The following DCP1B variants were observed in gnomAD, a reference collection of about 807,000 sequenced individuals.
The protein encoded by DCP1B is decapping mRNA 1B, also known as mRNA-decapping enzyme 1B.
Under a neutral mutation model 60.5 loss-of-function variants are expected in DCP1B, and 47 were observed. The observed-to-expected ratio is 0.78, with a 90% CI of 0.61 to 0.99. The LOEUF is 0.99. DCP1B is among the 50% of genes least tolerant of loss of function. The pLI, the probability that DCP1B is intolerant of heterozygous loss-of-function variation, is 0.00. For synonymous variants in DCP1B, 267 were observed against 280.3 expected (o/e 0.95, Z 0.47); for missense variants, 725 against 756.8 (o/e 0.96, Z 0.49).
chr12:2,001,963 G>C (rs73597549), intron 1 of DCP1B, among the ~76,000 whole-genome samples: 4,945 of 152,268 alleles, frequency 0.032, 269 homozygotes, highest in African/African-American at 0.11. Flanking sequence ...GAAAATACCA[G>C]GGTTATGGTC....
At chr12:2,002,443 CCT>C (rs1377177687) in intron 1 of DCP1B, among the ~76,000 whole-genome samples, 2 of 152,128 alleles carry the variant, frequency 1.3e-5, no homozygotes, top group African/African-American at 2.4e-5. Context: ...TGAATTATGC[CCT>C]GTCTGAAGGC....
intron 3 of DCP1B, among the ~76,000 whole-genome samples, chr12:1,970,371 C>T (rs1381402641): frequency 6.6e-6 from 1 of 152,052 alleles, no homozygotes; most frequent in Non-Finnish European, 1.5e-5. Flanking sequence ...CTCTTTTGAT[C>T]CCAGTTTAGT....
rs1461263346 is a variant in DCP1B at position 1,952,631 on chromosome 12, A to G, written c.1309T>C (p.Ser437Pro). 6.2e-7 allele frequency: 1 copy of G among 1,614,012 alleles called. No homozygotes were observed. Among genetic ancestry groups the G allele is most frequent in the African/African-American group, 1.3e-5 (1 of 74,884 alleles). ...STLPRQTLPISGSQTGSSGVI... is the reference protein window; with the variant it reads ...STLPRQTLPIPGSQTGSSGVI... ...CCAGAGCTGCCAGTCTGACTACCAGAGATGGGGAGTGTTTGTCTTGGGAGT... is the reference window on the plus strand; with the variant it reads ...CCAGAGCTGCCAGTCTGACTACCAGGGATGGGGAGTGTTTGTCTTGGGAGT... The change falls in exon 7 of 9, where the codon TCT becomes CCT. Residue 437 changes from serine (S) to proline (P), a missense_variant. Ser to Pro is a moderately conservative substitution (Grantham distance 74, BLOSUM62 -1). Coordinates refer to ENST00000280665, the MANE Select transcript of DCP1B (RefSeq NM_152640.5).
intron 5 of DCP1B, among the ~76,000 whole-genome samples, chr12:1,963,433 A>T (rs1470877825): frequency 6.6e-6 from 1 of 152,220 alleles, no homozygotes; most frequent in Non-Finnish European, 1.5e-5. Context: ...ATAAAAGCTT[A>T]TTTCATTCCC....
Position 1,965,689 on chromosome 12 carries a change from T to A in DCP1B, c.391A>T (p.Thr131Ser). Residue 131 changes from threonine to serine, a missense_variant, in exon 5 of 9, where the codon ACT becomes TCT. Coordinates refer to ENST00000280665, the MANE Select transcript of DCP1B (RefSeq NM_152640.5). Reference sequence around the variant, plus strand: ...TGGGCTTTCAACTGTTCATACTGAGTTAGGCTAGAAAAACAGAGGGGAAAA... The same window carrying A: ...TGGGCTTTCAACTGTTCATACTGAGATAGGCTAGAAAAACAGAGGGGAAAA... ...QRIAELMKNLTQYEQLKAHQG... is the reference protein window; with the variant it reads ...QRIAELMKNLSQYEQLKAHQG... The A allele has an allele frequency of 6.2e-7, 1 of 1,604,010 alleles. No homozygotes were observed. The highest frequency in any genetic ancestry group is 2.3e-5 in the East Asian group (1 of 44,366).
chr12:2,000,151 T>C (rs1012394346), intron 1 of DCP1B, among the ~76,000 whole-genome samples: 4 of 152,218 alleles, frequency 2.6e-5, no homozygotes, highest in Non-Finnish European at 1.5e-5. Flanking sequence ...GTTTAACTGA[T>C]TCAGTCAGCA....
chr12:1,986,348 G>T (rs1008247917), intron 3 of DCP1B, among the ~76,000 whole-genome samples: 1 of 152,160 alleles, frequency 6.6e-6, no homozygotes, highest in Admixed American at 6.5e-5. Context: ...GCTGTCAGGG[G>T]CCTTTTTCCC....
At position 1,946,134 on chromosome 12, in the gene DCP1B, C is replaced by T. The variant is rs1216008739; in HGVS notation, c.*72G>A. On this transcript the variant is annotated 3_prime_UTR_variant, in exon 9 of 9. Transcript: ENST00000280665. ...AAGGCAGAAACATTGAAGGAAACAA[C>T]ACTCAACATGAAAGAACCTTGTGCC... 4.2e-6 allele frequency: 5 copies of T among 1,181,440 alleles called. No homozygotes were observed. The East Asian group carries it at 1.3e-4, about 30-fold the overall frequency. The allele number at this position is 1,181,440 out of a possible 1,614,324, so 73.2% of individuals were successfully genotyped here.
rs2030726723 is a variant in DCP1B at position 1,952,729 on chromosome 12, G to A, written c.1211C>T (p.Pro404Leu). 1 of 1,614,156 alleles carries A rather than the reference G, an allele frequency of 6.2e-7. No homozygotes were observed. The highest frequency in any genetic ancestry group is 8.5e-7 in the Non-Finnish European group (1 of 1,180,018). Residue 404 changes from proline (P) to leucine (L), a missense_variant, in exon 7 of 9, where the codon CCA becomes CTA. Coordinates refer to ENST00000280665, the MANE Select transcript of DCP1B (RefSeq NM_152640.5). The part of the protein sequence containing the change: ...VAPGKGLAQP[P>L]QAYFNGSLPP... ...AAGGGAGCCATTGAAATAGGCCTGT[G>A]GTGGCTGAGCCAGACCCTTTCCTGG... is the stretch of plus-strand genomic sequence containing the variant.
chr12:1,943,941 G>C (rs966249882), downstream of DCP1B, among the ~76,000 whole-genome samples: 1 of 152,152 alleles, frequency 6.6e-6, no homozygotes, highest in Non-Finnish European at 1.5e-5. Flanking sequence ...TCTGGCCAGG[G>C]CAATCAGGCA....
At chr12:1,972,790 AAAG>A (rs1329911585) in intron 3 of DCP1B, among the ~76,000 whole-genome samples, 7 of 152,288 alleles carry the variant, frequency 4.6e-5, no homozygotes, top group Middle Eastern at 3.4e-3. Flanking sequence ...AAAAGGAAAA[AAAG>A]AAGGATGGAA....
Position 1,971,534 on chromosome 12 carries a change from T to C in DCP1B, c.320-3624A>G, listed in dbSNP as rs530541048. 3.3e-5 allele frequency among the ~76,000 whole-genome samples: 5 copies of C among 152,366 alleles called. No homozygotes were observed. Among genetic ancestry groups the C allele is most frequent in the African/African-American group, 1.2e-4 (5 of 41,594 alleles). ...TCAAAATTTCCATATAGACTTCATG[T>C]CTGGATTTTTTAGGTCCACAAAGAC... On this transcript the variant is annotated intron_variant, in intron 3 of 8. Transcript: ENST00000280665. This position sits in a 1 kb window ranked among gnomAD's most constrained non-coding sequence, Gnocchi z 4.2.
chr12:1,948,946 T>C lies in DCP1B; in HGVS notation c.1773+140A>G. 2 of 1,117,180 alleles carry C rather than the reference T, an allele frequency of 1.8e-6. No individual in the cohort carries two copies. The highest frequency in any genetic ancestry group is 2.5e-5 in the East Asian group (1 of 39,936). The allele number at this position is 1,117,180 out of a possible 1,614,324, so 69.2% of individuals were successfully genotyped here. A position where few individuals can be genotyped will look rare whatever the true frequency, so the allele number is the denominator to read the frequency against. Reference sequence around the variant, plus strand: ...CTAGCTAACTGAGCACAGAAGCCGCTGGGGTCAGGATGAGTTGTTACACAC... The same window carrying C: ...CTAGCTAACTGAGCACAGAAGCCGCCGGGGTCAGGATGAGTTGTTACACAC... On this transcript the variant is annotated intron_variant, in intron 8 of 8. Transcript: ENST00000280665. This position sits in a 1 kb window ranked among gnomAD's most constrained non-coding sequence, Gnocchi z 4.8.
chr12:1,943,982 G>T (rs1407166958), downstream of DCP1B, among the ~76,000 whole-genome samples: 4 of 152,304 alleles, frequency 2.6e-5, no homozygotes, highest in East Asian at 7.7e-4. Flanking sequence ...AATAGGAACA[G>T]AGGAAGTCAA....
At chr12:1,989,822 G>A (rs112327114) in intron 3 of DCP1B, among the ~76,000 whole-genome samples, 4,536 of 152,272 alleles carry the variant, frequency 0.03, 98 homozygotes, top group Middle Eastern at 0.054. Context: ...ATTTAGTTGC[G>A]AAATGAAAAA....
intron 3 of DCP1B, among the ~76,000 whole-genome samples, chr12:1,981,012 A>G (rs1344790656): frequency 1.3e-5 from 2 of 152,196 alleles, no homozygotes; most frequent in South Asian, 2.1e-4. Flanking sequence ...TATATGCATT[A>G]TACATCATCT....
Position 1,948,420 on chromosome 12 carries a change from G to A in DCP1B, c.1773+666C>T, listed in dbSNP as rs2030523672. ...TCTGTAGAATGGGAAAAATAACAGG[G>A]TTGTTATGTAAGGAGTGAATGAGTT... On this transcript the variant is annotated intron_variant, in intron 8 of 8. Coordinates refer to ENST00000280665, the MANE Select transcript of DCP1B (RefSeq NM_152640.5). The surrounding 1 kb of genome is among the most constrained non-coding windows in gnomAD (Gnocchi z 4.8). Among the ~76,000 whole-genome samples the A allele has an allele frequency of 6.6e-6, 1 of 152,192 alleles. No homozygotes were observed. The highest frequency in any genetic ancestry group is 2.1e-4 in the South Asian group (1 of 4,826).
Position 1,984,421 on chromosome 12 carries a change from C to A in DCP1B, c.319+8843G>T, listed in dbSNP as rs1287160419. On this transcript the variant is annotated intron_variant, in intron 3 of 8. Transcript: ENST00000280665. ...TGGTTGCTCTAAGAAATACAATATA[C>A]ATATCTAACTTTACCCAGTCTATAC... Among the ~76,000 whole-genome samples the A allele has an allele frequency of 3.3e-5, 5 of 152,058 alleles. No individual in the cohort carries two copies. In the South Asian group the frequency reaches 8.3e-4, roughly 25 times the overall value.
Position 1,955,474 on chromosome 12 carries a change from T to C in DCP1B, c.609A>G (p.Lys203=), listed in dbSNP as rs563136380. The change falls in exon 6 of 9, where the codon AAA becomes AAG. Residue 203 remains lysine (K), a synonymous_variant. Coordinates refer to ENST00000280665, the MANE Select transcript of DCP1B (RefSeq NM_152640.5). The stretch of plus-strand genomic sequence containing the variant: ...TACGCTGTTGCTGGTTTTCACTGGG[T>C]TTCACTGGAATTGGTTTGATGAGAT... ...NPNLIKPIPV[K]PSENQQQRIP... is the part of the protein sequence containing the mutation. 1.2e-6 allele frequency: 2 copies of C among 1,613,848 alleles called. No individual in the cohort carries two copies. Among genetic ancestry groups the C allele is most frequent in the South Asian group, 1.1e-5 (1 of 91,072 alleles).
Sources: gnomAD v4.1 joint callset for allele counts (sites outside exome capture counted in the v4.1 genomes callset) on GRCh38, gnomAD v4.1.1 for gene constraint, Gnocchi (gnomAD v3.1) non-coding constraint, MANE v1.5 for transcripts, NCBI Gene and HGNC (gene_info 2026-07-23, HGNC 2026-07-21) for gene names.